Variants in AXDND1 observed in about 807,000 individuals in gnomAD.
AXDND1 encodes the protein axonemal dynein light chain domain-containing protein 1.
Under a neutral mutation model 137.5 loss-of-function variants are expected in AXDND1, and 110 were observed. The observed-to-expected ratio is 0.80, with a 90% CI of 0.69 to 0.94. The LOEUF is 0.94. Among genes scored for constraint, AXDND1 ranks in the 40% least tolerant of loss-of-function variants. AXDND1 has a pLI of 0.00. For missense variants in AXDND1, 1,191 were observed against 1,169.8 expected, an observed-to-expected ratio of 1.02 and a Z score of -0.26; for synonymous variants, 414 against 399.7, an observed-to-expected ratio of 1.04 and a Z score of -0.43.
At chr1:179,496,727 TTTCTTACTTA>T (rs1335569358) in intron 20 of AXDND1, among the ~76,000 whole-genome samples, 2 of 152,034 alleles carry the variant, frequency 1.3e-5, no homozygotes, top group Non-Finnish European at 2.9e-5. Context: ...TTGTTTATAT[TTTCTTACTTA>T]TTCTGGGTTT....
In AXDND1 at chr1:179,494,570, T is replaced by C. The variant is rs201591006; in HGVS notation, c.2388+1619T>C. ...TTTTTTTTTTCCTAAGATAGTATTTTACTATGTTGCGTAGGCTGGACTTGA... is the reference window on the plus strand; with the variant it reads ...TTTTTTTTTTCCTAAGATAGTATTTCACTATGTTGCGTAGGCTGGACTTGA... On this transcript the variant is annotated intron_variant, in intron 20 of 25. Transcript: ENST00000367618. 5.3e-5 allele frequency among the ~76,000 whole-genome samples: 8 copies of C among 151,538 alleles called. No homozygotes were observed. The East Asian group carries it at 1.2e-3, about 22-fold the overall frequency.
intron 21 of AXDND1, among the ~76,000 whole-genome samples, chr1:179,516,699 CT>C (rs1669571682): frequency 6.6e-6 from 1 of 152,170 alleles, no homozygotes; most frequent in South Asian, 2.1e-4. Flanking sequence ...TTCCTATGAG[CT>C]GAACTGTAGT....
intron 3 of AXDND1, 47 bp from the exon 4 acceptor site, chr1:179,369,928 T>G: frequency 1.4e-6 from 2 of 1,405,016 alleles, no homozygotes; most frequent in Non-Finnish European, 2.0e-6. Context: ...TTTTATTTGA[T>G]TAGATCGCCC....
intron 20 of AXDND1, among the ~76,000 whole-genome samples, chr1:179,500,720 C>T (rs12736005): frequency 0.34 from 51,548 of 152,026 alleles, 8,773 homozygotes; most frequent in East Asian, 0.4. Flanking sequence ...TTGCCCAGGC[C>T]GGAGTGCAGT....
At chr1:179,410,746 G>C (rs1653746342) in intron 11 of AXDND1, among the ~76,000 whole-genome samples, 1 of 152,072 alleles carries the variant, frequency 6.6e-6, no homozygotes, top group Non-Finnish European at 1.5e-5. Flanking sequence ...AAGAATCTTA[G>C]GTCTGTGAGC....
intron 17 of AXDND1, among the ~76,000 whole-genome samples, chr1:179,469,161 C>G (rs1296064731): frequency 6.6e-6 from 1 of 151,924 alleles, no homozygotes; most frequent in African/African-American, 2.4e-5. Context: ...AACTCCTGAC[C>G]TCAGGTGATA....
intron 15 of AXDND1, among the ~76,000 whole-genome samples, chr1:179,437,873 C>T (rs375439327): frequency 1.7e-4 from 26 of 152,122 alleles, no homozygotes; most frequent in East Asian, 9.7e-4. Flanking sequence ...AGGTAATGGC[C>T]GGGCATTGTG....
At chr1:179,530,778 C>A (rs1415948394) in intron 23 of AXDND1, among the ~76,000 whole-genome samples, 3 of 152,166 alleles carry the variant, frequency 2.0e-5, no homozygotes, top group Non-Finnish European at 4.4e-5. Flanking sequence ...CAATTACTTG[C>A]AAGTTCCTGG....
chr1:179,404,136 C>T (rs911593125), intron 11 of AXDND1, among the ~76,000 whole-genome samples: 13 of 151,716 alleles, frequency 8.6e-5, no homozygotes, highest in African/African-American at 1.9e-4. Context: ...CCAGTATCTA[C>T]GTGTATTTTA....
Position 179,483,238 on chromosome 1 carries a change from GT to G in AXDND1, c.2091+22del. 1 of 1,537,198 alleles carries G rather than the reference GT, an allele frequency of 6.5e-7. No homozygotes were observed. Among genetic ancestry groups the G allele is most frequent in the Admixed American group, 2.0e-5 (1 of 49,934 alleles). Reference sequence around the variant, plus strand: ...CAGCACCACGTATGTACTTGTAAGGGTTTTTGACGTTATATTTTGCCTCGGC... The same window carrying G: ...CAGCACCACGTATGTACTTGTAAGGGTTTTGACGTTATATTTTGCCTCGGC... On this transcript the variant is annotated intron_variant, in intron 18 of 25. Transcript: ENST00000367618.
intron 16 of AXDND1, among the ~76,000 whole-genome samples, chr1:179,465,561 C>A (rs7544684): frequency 0.11 from 16,410 of 152,226 alleles, 1,010 homozygotes; most frequent in African/African-American, 0.14. Context: ...TTAGGCTACT[C>A]GGGGGTCATG....
intron 11 of AXDND1, among the ~76,000 whole-genome samples, chr1:179,408,717 A>G (rs142961765): frequency 4.3e-4 from 66 of 152,166 alleles, no homozygotes; most frequent in African/African-American, 1.5e-3. Context: ...GGTTCACTGT[A>G]TCCTCCAGGC....
chr1:179,505,374 C>A (rs114745389), intron 20 of AXDND1, among the ~76,000 whole-genome samples: 2,273 of 152,218 alleles, frequency 0.015, 64 homozygotes, highest in African/African-American at 0.052. Context: ...GGATCTTGGC[C>A]AGGTGCAGTG....
intron 25 of AXDND1, chr1:179,552,713 T>C (rs375598509): frequency 1.3e-6 from 2 of 1,570,032 alleles, no homozygotes; most frequent in Non-Finnish European, 1.8e-6. Context: ...TATGTAGGTG[T>C]GCAGCCATGA....
Position 179,554,587 on chromosome 1 carries a change from GCCTAAAC to G in AXDND1, c.*72_*78del. Reference sequence around the variant, plus strand: ...GAGCCTCCAGGTGGGAGGAGAGCATGCCTAAACCCTGGTGGCCATTGTTCTGTACTAA... The same window carrying G: ...GAGCCTCCAGGTGGGAGGAGAGCATGCCTGGTGGCCATTGTTCTGTACTAA... On this transcript the variant is annotated 3_prime_UTR_variant, in exon 26 of 26. Transcript: ENST00000367618. The G allele has an allele frequency of 6.2e-7, 1 of 1,610,708 alleles. No individual in the cohort carries two copies. Among genetic ancestry groups the G allele is most frequent in the Non-Finnish European group, 8.5e-7 (1 of 1,176,916 alleles).
At chr1:179,378,577 C>T in intron 4 of AXDND1, 60 bp from the exon 5 acceptor site, 1 of 1,295,062 alleles carries the variant, frequency 7.7e-7, no homozygotes, top group South Asian at 1.7e-5. Context: ...ATCTCACCTG[C>T]TGTTATGTGG....
intron 11 of AXDND1, among the ~76,000 whole-genome samples, chr1:179,402,827 GTC>G (rs1652314131): frequency 6.6e-6 from 1 of 152,066 alleles, no homozygotes; most frequent in Admixed American, 6.6e-5. Context: ...TATCACTTGT[GTC>G]TCATCCTTAC....
intron 25 of AXDND1, among the ~76,000 whole-genome samples, chr1:179,549,791 A>G (rs904890413): frequency 6.6e-6 from 1 of 152,074 alleles, no homozygotes; most frequent in East Asian, 1.9e-4. Flanking sequence ...ATAATGAGAA[A>G]TATTTCCCAC....
chr1:179,498,010 G>T (rs1266946950), intron 20 of AXDND1, among the ~76,000 whole-genome samples: 1 of 152,108 alleles, frequency 6.6e-6, no homozygotes, highest in Non-Finnish European at 1.5e-5. Context: ...AATCAGAGAT[G>T]ACACAAATTA....
Sources: allele counts gnomAD v4.1 joint callset (sites outside exome capture counted in the v4.1 genomes callset), GRCh38; gene constraint gnomAD v4.1.1; transcripts MANE v1.5; gene names NCBI Gene and HGNC (gene_info 2026-07-23, HGNC 2026-07-21).